Variants in COLEC10 observed in about 807,000 individuals in gnomAD.
COLEC10 encodes collectin-10.
A neutral mutation model predicts 28.4 loss-of-function variants in COLEC10; 22 were observed. That is an observed-to-expected ratio of 0.78 (90% CI 0.55 to 1.11). The LOEUF is 1.11. Among genes scored for constraint, COLEC10 ranks in the 50% least tolerant of loss-of-function variants. The pLI is 0.00. For synonymous variants in COLEC10, 125 were observed against 116.1 expected (o/e 1.08, Z -0.49); for missense variants, 361 against 344.1 (o/e 1.05, Z -0.39).
At chr8:119,026,441 G>T (rs182824460) in intron 2 of COLEC10, among the ~76,000 whole-genome samples, 1 of 152,226 alleles carries the variant, frequency 6.6e-6, no homozygotes, top group East Asian at 1.9e-4. Flanking sequence ...GGTGGCACGT[G>T]CCTACAATCC....
chr8:119,091,573 A>AGAGAG (rs1554629252), intron 3 of COLEC10, among the ~76,000 whole-genome samples: 1 of 140,556 alleles, frequency 7.1e-6, no homozygotes, highest in African/African-American at 2.7e-5. Context: ...GAAAGAAAGA[A>AGAGAG]AGAGAGAGAG....
chr8:119,078,291 G>T (rs539986496), intron 1 of COLEC10, among the ~76,000 whole-genome samples: 10 of 152,278 alleles, frequency 6.6e-5, no homozygotes, highest in African/African-American at 2.2e-4. Context: ...GAGATTGTTT[G>T]TATCTGATCC....
At chr8:119,091,033 A>T in intron 2 of COLEC10, 116 bp from the exon 3 acceptor site, 2 of 771,582 alleles carry the variant, frequency 2.6e-6, no homozygotes, top group Admixed American at 2.2e-5. Flanking sequence ...TATATATTAG[A>T]TATCACTGGT....
chr8:118,984,335 G>A, the COLEC10 span, among the ~76,000 whole-genome samples: 1 of 152,016 alleles, frequency 6.6e-6, no homozygotes, highest in African/African-American at 2.4e-5. Flanking sequence ...CCTACTTGAG[G>A]GTACAGGGTG....
chr8:119,083,782 ATAAT>A (rs1815413317), intron 1 of COLEC10, among the ~76,000 whole-genome samples: 1 of 152,132 alleles, frequency 6.6e-6, no homozygotes, highest in South Asian at 2.1e-4. Context: ...TTAAAATTAA[ATAAT>A]TTATTAAATT....
intron 2 of COLEC10, among the ~76,000 whole-genome samples, chr8:119,053,085 A>T (rs1053767618): frequency 1.1e-4 from 17 of 152,110 alleles, no homozygotes; most frequent in African/African-American, 4.1e-4. Context: ...CTCAATTTTA[A>T]GTGGTTTGAT....
At position 119,046,681 on chromosome 8, in the gene COLEC10, G is replaced by A. The variant is rs79903755; in HGVS notation, n.235+37128G>A. Among the ~76,000 whole-genome samples, 274 of 151,994 alleles carry A rather than the reference G, an allele frequency of 1.8e-3. 1 individual carries two copies. Among genetic ancestry groups the A allele is most frequent in the African/African-American group, 6.6e-3 (271 of 41,328 alleles). On this transcript the variant is annotated intron_variant and non_coding_transcript_variant, in intron 2 of 6. Transcript: ENST00000521788. ...CTCTGAGTTGAAGCTGGAGCCATCA[G>A]AATTCTTCCAAATGTGAAAAAAATA...
At chr8:119,091,597 GAA>G (rs1491419251) in intron 3 of COLEC10, among the ~76,000 whole-genome samples, 56,129 of 121,968 alleles carry the variant, frequency 0.46, 11,501 homozygotes, top group Middle Eastern at 0.5. Context: ...GAGAGAGAGA[GAA>G]AGAAAGAAAG....
At chr8:119,094,379 T>C (rs1032203349) in intron 3 of COLEC10, among the ~76,000 whole-genome samples, 3 of 152,100 alleles carry the variant, frequency 2.0e-5, no homozygotes, top group Non-Finnish European at 4.4e-5. Flanking sequence ...GAAAGAAAAA[T>C]CTGACACTAC....
rs538426601 is a variant in COLEC10 at position 118,996,431 on chromosome 8, G to A, written n.122+858G>A. On this transcript the variant is annotated intron_variant and non_coding_transcript_variant, in intron 1 of 6. Transcript: ENST00000521788. ...TTCTATTTTTAATTTTTTGAGGAAC[G>A]CTCGTTCTGCTTTTTACAGTGGCTA... 1.1e-4 allele frequency among the ~76,000 whole-genome samples: 17 copies of A among 152,182 alleles called. 1 individual carries two copies. The South Asian group carries it at 2.7e-3, about 24-fold the overall frequency.
At chr8:119,030,985 C>A (rs1814277067) in intron 2 of COLEC10, among the ~76,000 whole-genome samples, 1 of 152,126 alleles carries the variant, frequency 6.6e-6, no homozygotes, top group South Asian at 2.1e-4. Context: ...AGATGGAAAC[C>A]ATATCTAAAG....
chr8:118,978,101 A>G, the COLEC10 span, among the ~76,000 whole-genome samples: 28 of 152,136 alleles, frequency 1.8e-4, no homozygotes, highest in South Asian at 4.1e-4. Flanking sequence ...TACCAATTTC[A>G]TATAAGTTGA....
chr8:119,040,416 T>C (rs1264074371), intron 2 of COLEC10, among the ~76,000 whole-genome samples: 6 of 152,156 alleles, frequency 3.9e-5, no homozygotes, highest in Non-Finnish European at 8.8e-5. Flanking sequence ...AGATTGAAAA[T>C]TGAACTGTAT....
the COLEC10 span, among the ~76,000 whole-genome samples, chr8:118,956,479 C>A: frequency 6.6e-6 from 1 of 152,120 alleles, no homozygotes; most frequent in African/African-American, 2.4e-5. Flanking sequence ...CCTCAGCAGT[C>A]CATAACAGGG....
At chr8:119,087,303 AC>A (rs1399297021) in intron 1 of COLEC10, among the ~76,000 whole-genome samples, 1 of 152,196 alleles carries the variant, frequency 6.6e-6, no homozygotes, top group Non-Finnish European at 1.5e-5. Context: ...GTGGAAATAC[AC>A]CGACACATTT....
the COLEC10 span, among the ~76,000 whole-genome samples, chr8:118,954,144 C>A: frequency 6.6e-6 from 1 of 152,154 alleles, no homozygotes; most frequent in Non-Finnish European, 1.5e-5. Flanking sequence ...TCTGGCTCTC[C>A]CTGCAAAGGA....
intron 2 of COLEC10, among the ~76,000 whole-genome samples, chr8:119,058,447 C>T (rs1156756802): frequency 6.6e-6 from 1 of 151,992 alleles, no homozygotes; most frequent in East Asian, 1.9e-4. Flanking sequence ...CCCAGGCAAC[C>T]ACACATCTGC....
chr8:119,010,973 G>A (rs1813891785), intron 2 of COLEC10, among the ~76,000 whole-genome samples: 1 of 150,864 alleles, frequency 6.6e-6, no homozygotes, highest in Non-Finnish European at 1.5e-5. Context: ...AGTGTCTTTT[G>A]TAGAGCAGGA....
chr8:119,106,366 C>T lies in COLEC10; in HGVS notation c.*175C>T. On this transcript the variant is annotated 3_prime_UTR_variant, in exon 6 of 6. Coordinates refer to ENST00000332843, the MANE Select transcript of COLEC10 (RefSeq NM_006438.5). The stretch of plus-strand genomic sequence containing the variant: ...TCTTTTGTGATGATTTTCATATTTT[C>T]ACACATGGTATATTATTGACCCAAT... 1.6e-6 allele frequency: 1 copy of T among 638,482 alleles called. No homozygotes were observed. The highest frequency in any genetic ancestry group is 3.0e-5 in the Admixed American group (1 of 33,764). The allele number at this position is 638,482 out of a possible 1,614,324, so 39.6% of individuals were successfully genotyped here. A position where few individuals can be genotyped will look rare whatever the true frequency, so the allele number is the denominator to read the frequency against.
Sources: allele counts gnomAD v4.1 joint callset (sites outside exome capture counted in the v4.1 genomes callset), GRCh38; gene constraint gnomAD v4.1.1; transcripts MANE v1.5; gene names NCBI Gene and HGNC (gene_info 2026-07-23, HGNC 2026-07-21).